Variants in HCK observed in about 807,000 individuals in gnomAD.
HCK encodes the protein HCK proto-oncogene, Src family tyrosine kinase.
A neutral mutation model predicts 70.4 loss-of-function variants in HCK; 40 were observed. The ratio of observed to expected loss-of-function variants is 0.57; its 90% CI spans 0.44 to 0.74. The LOEUF (loss-of-function observed/expected upper bound fraction) is 0.74, where lower values mean the gene tolerates loss of function less well. HCK is among the 30% of genes least tolerant of loss of function. The pLI is 0.00. For missense variants in HCK, 568 were observed against 697.2 expected, an observed-to-expected ratio of 0.81 and a Z score of 2.09; for synonymous variants, 245 against 263.2, an observed-to-expected ratio of 0.93 and a Z score of 0.67.
At chr20:32,060,044 C>G (rs1401352819) in intron 1 of HCK, among the ~76,000 whole-genome samples, 3 of 152,152 alleles carry the variant, frequency 2.0e-5, no homozygotes, top group South Asian at 2.1e-4. Flanking sequence ...AGTACCACGG[C>G]AGGTTAAAGT....
chr20:32,066,881 C>T (rs2122506072), intron 1 of HCK, among the ~76,000 whole-genome samples: 1 of 152,108 alleles, frequency 6.6e-6, no homozygotes, highest in East Asian at 1.9e-4. Flanking sequence ...TTGCAGTGCT[C>T]TGTGTATGGT....
At chr20:32,080,318 C>T (rs2045691513) in intron 6 of HCK, among the ~76,000 whole-genome samples, 1 of 152,098 alleles carries the variant, frequency 6.6e-6, no homozygotes, top group African/African-American at 2.4e-5. Context: ...CCTGCCTCAG[C>T]CTTCCAAGTA....
At chr20:32,060,170 A>T (rs1947367598) in intron 1 of HCK, among the ~76,000 whole-genome samples, 1 of 152,064 alleles carries the variant, frequency 6.6e-6, no homozygotes, top group African/African-American at 2.4e-5. Context: ...GCAAATGTGC[A>T]TCACCCTTCT....
At chr20:32,087,777 G>A (rs1310179864) in intron 9 of HCK, among the ~76,000 whole-genome samples, 1 of 152,036 alleles carries the variant, frequency 6.6e-6, no homozygotes, top group South Asian at 2.1e-4. Context: ...AAGTAGCTGG[G>A]ACTACAGGTG....
At chr20:32,073,995 G>T (rs2045583947) in intron 4 of HCK, among the ~76,000 whole-genome samples, 177 bp downstream of exon 4, 1 of 152,222 alleles carries the variant, frequency 6.6e-6, no homozygotes, top group South Asian at 2.1e-4. Context: ...GGATGAAGGG[G>T]ATTGTGCACT....
intron 5 of HCK, among the ~76,000 whole-genome samples, chr20:32,079,196 C>A (rs1379494277): frequency 6.6e-6 from 1 of 152,226 alleles, no homozygotes; most frequent in African/African-American, 2.4e-5. Flanking sequence ...GTATAAAATT[C>A]TTTCCAATCT....
intron 9 of HCK, 85 bp downstream of exon 9, chr20:32,086,892 C>A (rs1209456094): frequency 4.7e-6 from 6 of 1,280,004 alleles, no homozygotes; most frequent in Non-Finnish European, 6.4e-6. Context: ...ATGGTTCTTG[C>A]CCTTGAGATG....
At chr20:32,065,412 T>G (rs1429057417) in intron 1 of HCK, among the ~76,000 whole-genome samples, 1 of 152,152 alleles carries the variant, frequency 6.6e-6, no homozygotes, top group African/African-American at 2.4e-5. Context: ...ATTTATTTGC[T>G]CGTGGACTGG....
chr20:32,091,824 T>A (rs888528386), intron 10 of HCK, among the ~76,000 whole-genome samples: 2 of 150,686 alleles, frequency 1.3e-5, no homozygotes, highest in South Asian at 2.1e-4. Flanking sequence ...AAAAAAAAAA[T>A]TCTTTTTAAA....
At chr20:32,090,728 C>A (rs1233746276) in intron 10 of HCK, among the ~76,000 whole-genome samples, 1 of 152,192 alleles carries the variant, frequency 6.6e-6, no homozygotes. Flanking sequence ...CTTTATCAAC[C>A]CGCAGTGCTT....
chr20:32,094,803 A>AAGAGAGAGAAAG (rs1569010706), intron 11 of HCK, among the ~76,000 whole-genome samples: 1 of 77,936 alleles, frequency 1.3e-5, no homozygotes, highest in African/African-American at 3.9e-5. Context: ...GAAAGAAAGA[A>AAGAGAGAGAAAG]AGAAAGAAAG....
rs1241357798 is a variant in HCK at position 32,101,239 on chromosome 20, G to A, written c.1379-78G>A. On this transcript the variant is annotated intron_variant, in intron 12 of 12. Transcript: ENST00000375852. ...GTGAGGTGGGGAGTGATGCCTGCTG[G>A]GGAGGCCACAGGGCCTGCCACCCCT... The A allele has an allele frequency of 2.3e-6, 3 of 1,292,762 alleles. No homozygotes were observed. The East Asian group carries it at 7.4e-5, about 32-fold the overall frequency. 80.1% of individuals were successfully genotyped at this position (1,292,762 alleles called of 1,614,324 possible).
chr20:32,093,414 G>A (rs1480935632), intron 10 of HCK, among the ~76,000 whole-genome samples: 3 of 152,052 alleles, frequency 2.0e-5, no homozygotes, highest in African/African-American at 7.2e-5. Flanking sequence ...GAGAGGTATA[G>A]CAGAATATGA....
At chr20:32,094,791 A>T (rs1002107540) in intron 11 of HCK, among the ~76,000 whole-genome samples, 11 of 21,710 alleles carry the variant, frequency 5.1e-4, no homozygotes, top group Non-Finnish European at 1.3e-3. Flanking sequence ...GAGAAAGAGA[A>T]AGAAAGAAAG....
chr20:32,101,193 G>A (rs755743429), intron 12 of HCK, 124 bp from the exon 13 acceptor site: 21 of 802,896 alleles, frequency 2.6e-5, no homozygotes, highest in Non-Finnish European at 3.4e-5. Flanking sequence ...CTTTCACAGT[G>A]GAAGGGGCTC....
At chr20:32,058,631 C>T (rs1220831774) in intron 1 of HCK, among the ~76,000 whole-genome samples, 1 of 151,532 alleles carries the variant, frequency 6.6e-6, no homozygotes, top group Admixed American at 6.6e-5. Flanking sequence ...CACACACACA[C>T]ACACACACAT....
intron 5 of HCK, among the ~76,000 whole-genome samples, chr20:32,076,512 C>G (rs139661210): frequency 6.6e-6 from 1 of 152,212 alleles, no homozygotes; most frequent in Non-Finnish European, 1.5e-5. Flanking sequence ...ATGGAGGAGG[C>G]GTGGCTGGCA....
intron 1 of HCK, 41 bp downstream of exon 1, chr20:32,052,527 G>C: frequency 8.0e-7 from 1 of 1,248,012 alleles, no homozygotes; most frequent in Non-Finnish European, 1.0e-6. Flanking sequence ...CCCGGCCCGC[G>C]AGGGGTCCCA....
chr20:32,081,554 T>C (rs953593546), intron 6 of HCK, among the ~76,000 whole-genome samples: 4 of 152,196 alleles, frequency 2.6e-5, no homozygotes, highest in Admixed American at 6.5e-5. Context: ...TTTGGGGACA[T>C]TGATTAAAGG....
Sources: gnomAD v4.1 joint callset for allele counts (sites outside exome capture counted in the v4.1 genomes callset) on GRCh38, gnomAD v4.1.1 for gene constraint, MANE v1.5 for transcripts, NCBI Gene and HGNC (gene_info 2026-07-23, HGNC 2026-07-21) for gene names.